KCNIP4: variants seen among roughly 807,000 people sequenced by gnomAD.
KCNIP4 encodes potassium voltage-gated channel interacting protein 4, also known as Kv channel-interacting protein 4.
In KCNIP4, 12 loss-of-function variants were observed where a neutral mutation model predicts 34.0. That is an observed-to-expected ratio of 0.35 (90% CI 0.23 to 0.57). The LOEUF (loss-of-function observed/expected upper bound fraction) is 0.57, where lower values mean the gene tolerates loss of function less well. KCNIP4 is among the 20% of genes least tolerant of loss of function. The pLI, the probability that KCNIP4 is intolerant of heterozygous loss-of-function variation, is 0.83. For missense variants in KCNIP4, 238 were observed against 311.7 expected, an observed-to-expected ratio of 0.76 and a Z score of 1.78; for synonymous variants, 124 against 102.2, an observed-to-expected ratio of 1.21 and a Z score of -1.29.
chr4:21,050,909 T>C (rs907151758), intron 1 of KCNIP4, among the ~76,000 whole-genome samples: 1 of 152,156 alleles, frequency 6.6e-6, no homozygotes, highest in Non-Finnish European at 1.5e-5. Flanking sequence ...CAGCACCTCA[T>C]TGAAGAGAGC....
chr4:21,030,426 T>C (rs901885095), intron 1 of KCNIP4, among the ~76,000 whole-genome samples: 2 of 152,178 alleles, frequency 1.3e-5, no homozygotes, highest in Non-Finnish European at 2.9e-5. Context: ...TATTACTATG[T>C]AATAATAGCA....
intron 1 of KCNIP4, among the ~76,000 whole-genome samples, chr4:21,789,423 C>A (rs1720128976): frequency 6.6e-6 from 1 of 152,136 alleles, no homozygotes; most frequent in South Asian, 2.1e-4. Context: ...GCAAAACCAC[C>A]ACTAGATGGC....
intron 1 of KCNIP4, among the ~76,000 whole-genome samples, chr4:21,225,075 T>C (rs192497056): frequency 3.7e-4 from 57 of 152,254 alleles, no homozygotes; most frequent in African/African-American, 1.2e-3. Flanking sequence ...AGCTATGATA[T>C]CTGGTAAGCA....
chr4:21,948,568 T>C lies in KCNIP4; in HGVS notation c.61+3A>G. 1 of 1,612,050 alleles carries C rather than the reference T, an allele frequency of 6.2e-7. No individual in the cohort carries two copies. The highest frequency in any genetic ancestry group is 1.1e-5 in the South Asian group (1 of 90,826). On this transcript the variant is annotated splice_donor_region_variant and intron_variant, in intron 1 of 8. Transcript: ENST00000382152. Reference sequence around the variant, plus strand: ...GCCCGCTCGCAAGCTTATTGCATCCTACCGCCTGTAGAGCTGGCCTCCTCC... The same window carrying C: ...GCCCGCTCGCAAGCTTATTGCATCCCACCGCCTGTAGAGCTGGCCTCCTCC...
intron 1 of KCNIP4, among the ~76,000 whole-genome samples, chr4:21,923,489 G>A (rs967167820): frequency 6.6e-6 from 1 of 152,112 alleles, no homozygotes; most frequent in African/African-American, 2.4e-5. Context: ...GCTGAGGCAG[G>A]AGAATTGCTT....
intron 1 of KCNIP4, among the ~76,000 whole-genome samples, chr4:21,151,556 G>C (rs895523060): frequency 2.6e-5 from 4 of 152,004 alleles, no homozygotes; most frequent in Non-Finnish European, 4.4e-5. Flanking sequence ...ATGAGATAGA[G>C]AGCAAGCTCT....
intron 1 of KCNIP4, among the ~76,000 whole-genome samples, chr4:21,494,259 A>G (rs535804556): frequency 1.3e-5 from 2 of 152,292 alleles, no homozygotes; most frequent in South Asian, 2.1e-4. Flanking sequence ...AGTGTTGGCT[A>G]TATAAATCCA....
intron 1 of KCNIP4, among the ~76,000 whole-genome samples, chr4:21,200,343 CAT>C (rs1303869076): frequency 2.9e-5 from 3 of 104,176 alleles, no homozygotes; most frequent in Admixed American, 2.7e-4. Flanking sequence ...TATATACATA[CAT>C]ATATGTGTGT....
chr4:21,607,327 AC>A (rs1324683019), intron 1 of KCNIP4, among the ~76,000 whole-genome samples: 1 of 152,164 alleles, frequency 6.6e-6, no homozygotes, highest in Non-Finnish European at 1.5e-5. Context: ...TTACAACAGC[AC>A]AAGTACTCAA....
chr4:21,233,049 T>C (rs1401401835), intron 1 of KCNIP4, among the ~76,000 whole-genome samples: 1 of 152,080 alleles, frequency 6.6e-6, no homozygotes, highest in Admixed American at 6.6e-5. Flanking sequence ...AGGGACAATA[T>C]GTGCAATAAA....
chr4:21,107,426 C>CA (rs1748667478), intron 1 of KCNIP4, among the ~76,000 whole-genome samples: 9 of 151,024 alleles, frequency 6.0e-5, no homozygotes, highest in Non-Finnish European at 2.9e-5. Flanking sequence ...GCAACCCCTG[C>CA]CTTTTTTTTG....
intron 1 of KCNIP4, among the ~76,000 whole-genome samples, chr4:21,209,529 T>C (rs1757084614): frequency 6.6e-6 from 1 of 152,152 alleles, no homozygotes; most frequent in Non-Finnish European, 1.5e-5. Flanking sequence ...CTTAATATGA[T>C]GCCCTTCAGT....
intron 1 of KCNIP4, among the ~76,000 whole-genome samples, chr4:21,894,063 G>A (rs764035842): frequency 1.3e-5 from 2 of 152,014 alleles, no homozygotes; most frequent in Non-Finnish European, 2.9e-5. Flanking sequence ...CAGGCAGGGT[G>A]GCTCAAGCAT....
intron 5 of KCNIP4, among the ~76,000 whole-genome samples, chr4:20,736,652 GT>G (rs1749706616): frequency 6.6e-6 from 1 of 151,928 alleles, no homozygotes; most frequent in East Asian, 1.9e-4. Context: ...GATATTCTTA[GT>G]TTTTTCTTGA....
intron 1 of KCNIP4, among the ~76,000 whole-genome samples, chr4:21,033,060 A>G (rs1418208025): frequency 6.6e-6 from 1 of 152,170 alleles, no homozygotes; most frequent in Non-Finnish European, 1.5e-5. Flanking sequence ...TTTCTTAGGA[A>G]GAAAGTGTTC....
At chr4:20,956,189 G>T (rs966102113) in intron 1 of KCNIP4, among the ~76,000 whole-genome samples, 4 of 152,126 alleles carry the variant, frequency 2.6e-5, no homozygotes, top group Non-Finnish European at 4.4e-5. Flanking sequence ...TTACCCTTAG[G>T]AGAAAATAAA....
chr4:20,863,568 T>C (rs1722437253), intron 2 of KCNIP4, among the ~76,000 whole-genome samples: 1 of 152,184 alleles, frequency 6.6e-6, no homozygotes. Flanking sequence ...AAGGGAGTCT[T>C]TTCTAGAAAG....
intron 1 of KCNIP4, among the ~76,000 whole-genome samples, chr4:21,894,934 A>G (rs1727298102): frequency 6.6e-6 from 1 of 152,156 alleles, no homozygotes; most frequent in Non-Finnish European, 1.5e-5. Context: ...TCATTCCTGT[A>G]GAGCTGACTC....
intron 1 of KCNIP4, among the ~76,000 whole-genome samples, chr4:21,533,208 A>G (rs1247171035): frequency 6.6e-6 from 1 of 152,102 alleles, no homozygotes; most frequent in Non-Finnish European, 1.5e-5. Flanking sequence ...ATGCCATATC[A>G]TGAATATATG....
Sources: allele counts gnomAD v4.1 joint callset (sites outside exome capture counted in the v4.1 genomes callset), GRCh38; gene constraint gnomAD v4.1.1; transcripts MANE v1.5; gene names NCBI Gene and HGNC (gene_info 2026-07-23, HGNC 2026-07-21).